The following CCDC175 variants were observed in gnomAD, a reference collection of about 807,000 sequenced individuals.
CCDC175 encodes the protein coiled-coil domain-containing protein 175.
A neutral mutation model predicts 114.6 loss-of-function variants in CCDC175; 100 were observed. That is an observed-to-expected ratio of 0.87 (90% CI 0.74 to 1.03). CCDC175 has a LOEUF of 1.03. Among genes scored for constraint, CCDC175 ranks in the 50% least tolerant of loss-of-function variants. The pLI, the probability that CCDC175 is intolerant of heterozygous loss-of-function variation, is 0.00. For synonymous variants in CCDC175, 306 were observed against 308.7 expected, an observed-to-expected ratio of 0.99 and a Z score of 0.09; for missense variants, 880 against 917.8, an observed-to-expected ratio of 0.96 and a Z score of 0.53.
chr14:59,544,980 T>C (rs1895017675), intron 9 of CCDC175, among the ~76,000 whole-genome samples, 183 bp downstream of exon 9: 1 of 152,232 alleles, frequency 6.6e-6, no homozygotes, highest in Non-Finnish European at 1.5e-5. Flanking sequence ...AGCCAGTCTA[T>C]GGTATTTTGT....
intron 8 of CCDC175, among the ~76,000 whole-genome samples, chr14:59,545,660 A>AT (rs1192018615): frequency 6.6e-6 from 1 of 152,188 alleles, no homozygotes; most frequent in African/African-American, 2.4e-5. Flanking sequence ...TCCTCAAAAC[A>AT]TTTTTGAGTT....
Position 59,563,873 on chromosome 14 carries a change from C to G in CCDC175, c.721-14G>C. On this transcript the variant is annotated splice_polypyrimidine_tract_variant and intron_variant, in intron 5 of 19. Transcript: ENST00000537690. ...AAATTCATTAATCTATAGTGACAAG[C>G]ATAAGAAACCAATTTAAAAAGCCTA... 7.3e-7 allele frequency: 1 copy of G among 1,369,878 alleles called. No individual in the cohort carries two copies. Among genetic ancestry groups the G allele is most frequent in the Non-Finnish European group, 9.4e-7 (1 of 1,065,390 alleles). The allele number at this position is 1,369,878 out of a possible 1,614,324, so 84.9% of individuals were successfully genotyped here. A position where few individuals can be genotyped will look rare whatever the true frequency, so the allele number is the denominator to read the frequency against.
intron 3 of CCDC175, 113 bp from the exon 4 acceptor site, chr14:59,568,493 TC>T: frequency 1.2e-6 from 1 of 850,602 alleles, no homozygotes; most frequent in Non-Finnish European, 1.7e-6. Flanking sequence ...ATGTTTTTTA[TC>T]AAGCATTTCT....
intron 3 of CCDC175, among the ~76,000 whole-genome samples, chr14:59,571,371 G>T (rs1896840287): frequency 6.6e-6 from 1 of 152,134 alleles, no homozygotes; most frequent in Non-Finnish European, 1.5e-5. Flanking sequence ...TATCTAATCA[G>T]TGGTTAACAT....
At chr14:59,528,615 G>A (rs191924076) in intron 14 of CCDC175, among the ~76,000 whole-genome samples, 44 of 151,976 alleles carry the variant, frequency 2.9e-4, no homozygotes, top group East Asian at 5.8e-4. Context: ...TATAGTTTTC[G>A]TTTAAATAAA....
At chr14:59,507,062 A>G (rs1892462186) in intron 19 of CCDC175, among the ~76,000 whole-genome samples, 1 of 152,258 alleles carries the variant, frequency 6.6e-6, no homozygotes, top group African/African-American at 2.4e-5. Context: ...TAACTTATTT[A>G]CCTTTGATTT....
chr14:59,510,931 A>T, intron 18 of CCDC175, 123 bp from the exon 19 acceptor site: 1 of 848,944 alleles, frequency 1.2e-6, no homozygotes, highest in Non-Finnish European at 1.8e-6. Flanking sequence ...CAGTCATAAA[A>T]ATAAGTGCTT....
At chr14:59,551,996 A>G (rs1246893059) in intron 7 of CCDC175, among the ~76,000 whole-genome samples, 4 of 152,246 alleles carry the variant, frequency 2.6e-5, no homozygotes, top group African/African-American at 9.6e-5. Context: ...GGAGCCCACC[A>G]CAGCTCAAGG....
chr14:59,545,486 AT>A (rs1895047020), intron 8 of CCDC175, among the ~76,000 whole-genome samples, 187 bp from the exon 9 acceptor site: 1 of 152,120 alleles, frequency 6.6e-6, no homozygotes, highest in Admixed American at 6.6e-5. Context: ...TCTACTATAA[AT>A]TTTTTTAAGT....
Position 59,520,560 on chromosome 14 carries a change from T to C in CCDC175, c.2098+1014A>G, listed in dbSNP as rs549750229. 2.6e-5 allele frequency among the ~76,000 whole-genome samples: 4 copies of C among 152,316 alleles called. No individual in the cohort carries two copies. In the East Asian group the frequency reaches 7.7e-4, roughly 29 times the overall value. On this transcript the variant is annotated intron_variant, in intron 17 of 19. Transcript: ENST00000537690. Reference sequence around the variant, plus strand: ...AACACTTGTAAACAAATGTTCACAATAGCTTCATTCATAATTATCCCAAAC... The same window carrying C: ...AACACTTGTAAACAAATGTTCACAACAGCTTCATTCATAATTATCCCAAAC...
At chr14:59,555,054 C>T (rs1239632301) in intron 7 of CCDC175, among the ~76,000 whole-genome samples, 7 of 152,180 alleles carry the variant, frequency 4.6e-5, no homozygotes, top group African/African-American at 1.7e-4. Flanking sequence ...GGAGCTGGTA[C>T]CATTACTTCT....
At chr14:59,516,597 C>G in intron 17 of CCDC175, among the ~76,000 whole-genome samples, 1 of 152,200 alleles carries the variant, frequency 6.6e-6, no homozygotes, top group Non-Finnish European at 1.5e-5. Context: ...TCGACACATA[C>G]ACCCTCCGAA....
intron 17 of CCDC175, among the ~76,000 whole-genome samples, chr14:59,520,480 T>A (rs1893364373): frequency 6.6e-6 from 1 of 152,210 alleles, no homozygotes; most frequent in Non-Finnish European, 1.5e-5. Context: ...TGCTATATAA[T>A]TCAGCAATTC....
intron 17 of CCDC175, among the ~76,000 whole-genome samples, chr14:59,518,742 T>C (rs1298871675): frequency 1.3e-5 from 2 of 152,128 alleles, no homozygotes; most frequent in Non-Finnish European, 2.9e-5. Context: ...AGTTCAACCA[T>C]TGTGGAAGTC....
chr14:59,563,499 A>C (rs1896343415), intron 6 of CCDC175, among the ~76,000 whole-genome samples: 1 of 152,184 alleles, frequency 6.6e-6, no homozygotes, highest in Non-Finnish European at 1.5e-5. Flanking sequence ...ATATTTTAAC[A>C]GTATTTTGGC....
intron 10 of CCDC175, among the ~76,000 whole-genome samples, chr14:59,542,626 T>C (rs1316802163): frequency 6.6e-6 from 1 of 152,088 alleles, no homozygotes; most frequent in African/African-American, 2.4e-5. Context: ...TAGAATACTA[T>C]GCAGTTAGAG....
chr14:59,510,077 A>G (rs946752349), intron 19 of CCDC175, among the ~76,000 whole-genome samples: 4 of 152,166 alleles, frequency 2.6e-5, no homozygotes, highest in Non-Finnish European at 4.4e-5. Flanking sequence ...CTCACCTTCA[A>G]TTCTCACCAC....
Position 59,525,303 on chromosome 14 carries a change from C to T in CCDC175, c.1974G>A (p.Leu658=). The change falls in exon 16 of 20, where the codon CTG becomes CTA. Residue 658 remains leucine (L), a synonymous_variant. Coordinates refer to ENST00000537690, the MANE Select transcript of CCDC175 (RefSeq NM_001164399.2). ...INDQKADLLL[L]ENKKLKEYIL... ...TTACTTCTTTTAATTTTTTATTTTC[C>T]AGGAGCAGAAGATCTGCTTTTTGGT... The T allele has an allele frequency of 6.9e-7, 1 of 1,450,178 alleles. No individual in the cohort carries two copies. Among genetic ancestry groups the T allele is most frequent in the Non-Finnish European group, 9.0e-7 (1 of 1,111,392 alleles). 89.8% of individuals were successfully genotyped at this position (1,450,178 alleles called of 1,614,324 possible). A position where few individuals can be genotyped will look rare whatever the true frequency, so the allele number is the denominator to read the frequency against.
At chr14:59,570,026 A>C (rs1896759612) in intron 3 of CCDC175, among the ~76,000 whole-genome samples, 1 of 152,132 alleles carries the variant, frequency 6.6e-6, no homozygotes, top group Non-Finnish European at 1.5e-5. Context: ...GGGCTGATGG[A>C]ACTTGCTGGA....
Sources: allele counts gnomAD v4.1 joint callset (sites outside exome capture counted in the v4.1 genomes callset), GRCh38; gene constraint gnomAD v4.1.1; transcripts MANE v1.5; gene names NCBI Gene and HGNC (gene_info 2026-07-23, HGNC 2026-07-21).